Variants in HECW1 observed in about 807,000 individuals in gnomAD.
HECW1 encodes the protein E3 ubiquitin-protein ligase HECW1.
Under a neutral mutation model 182.3 loss-of-function variants are expected in HECW1, and 61 were observed. That is an observed-to-expected ratio of 0.33 (90% CI 0.27 to 0.41). HECW1 has a LOEUF of 0.41. HECW1 is among the 10% of genes least tolerant of loss of function. HECW1 has a pLI of 1.00. For missense variants in HECW1, 1,739 were observed against 2,108.9 expected (o/e 0.82, Z 3.44); for synonymous variants, 859 against 832.6 (o/e 1.03, Z -0.55).
chr7:43,125,101 T>G (rs1786065706), intron 2 of HECW1, among the ~76,000 whole-genome samples: 1 of 152,180 alleles, frequency 6.6e-6, no homozygotes, highest in Non-Finnish European at 1.5e-5. Flanking sequence ...CCTTGCACCC[T>G]CGCTTGGTGG....
intron 3 of HECW1, among the ~76,000 whole-genome samples, chr7:43,273,191 G>A (rs1430374231): frequency 2.6e-5 from 4 of 152,096 alleles, no homozygotes; most frequent in East Asian, 1.9e-4. Context: ...AGGGAGTGGG[G>A]CAAGGGTTGA....
intron 24 of HECW1, among the ~76,000 whole-genome samples, chr7:43,529,943 T>A (rs1221395375): frequency 1.3e-5 from 2 of 149,590 alleles, no homozygotes; most frequent in Non-Finnish European, 3.0e-5. Flanking sequence ...TTTTTACTTT[T>A]TTTATTTTTA....
intron 11 of HECW1, among the ~76,000 whole-genome samples, chr7:43,448,143 A>AG (rs2077120953): frequency 6.6e-6 from 1 of 152,100 alleles, no homozygotes; most frequent in African/African-American, 2.4e-5. Flanking sequence ...CTCAAAAAAA[A>AG]AGAGAGAGAG....
At chr7:43,147,490 T>C (rs924071545) in intron 2 of HECW1, 7 of 152,232 alleles carry the variant, frequency 4.6e-5, no homozygotes, top group Admixed American at 3.9e-4. Context: ...AAGAGGTACT[T>C]TTGAAAGCAG....
chr7:43,467,497 C>A (rs1318026742), intron 15 of HECW1, among the ~76,000 whole-genome samples: 6 of 151,912 alleles, frequency 3.9e-5, no homozygotes, highest in Admixed American at 1.3e-4. Context: ...TGCAAAGGAG[C>A]CTGGGTCTAC....
intron 24 of HECW1, among the ~76,000 whole-genome samples, chr7:43,526,154 T>C (rs191908468): frequency 1.5e-3 from 235 of 152,358 alleles, no homozygotes; most frequent in African/African-American, 5.3e-3. Context: ...TAGCTTCAGG[T>C]ATTTCTGGTA....
intron 3 of HECW1, among the ~76,000 whole-genome samples, chr7:43,281,360 T>C (rs920744806): frequency 2.6e-5 from 4 of 152,238 alleles, no homozygotes; most frequent in African/African-American, 9.6e-5. Flanking sequence ...ATAGCTGACA[T>C]TGGGTGGACA....
chr7:43,432,997 A>C lies in HECW1; in HGVS notation c.802-5006A>C, dbSNP rs1248430984. Among the ~76,000 whole-genome samples the C allele has an allele frequency of 2.0e-5, 3 of 152,216 alleles. No individual in the cohort carries two copies. In the East Asian group the frequency reaches 5.8e-4, roughly 29 times the overall value. The stretch of plus-strand genomic sequence containing the variant: ...AGCACCAGTGCTAATATCTCTCTGG[A>C]CGATTGAAGATGATAGGAGCACATC... On this transcript the variant is annotated intron_variant, in intron 8 of 29. Coordinates refer to ENST00000395891, the MANE Select transcript of HECW1 (RefSeq NM_015052.5). This position sits in a 1 kb window ranked among gnomAD's most constrained non-coding sequence, Gnocchi z 4.1.
intron 3 of HECW1, among the ~76,000 whole-genome samples, chr7:43,284,707 C>G (rs1005663874): frequency 4.6e-5 from 7 of 152,122 alleles, no homozygotes; most frequent in Non-Finnish European, 1.0e-4. Flanking sequence ...TCCCCAATTT[C>G]CCTTCCCTGA....
intron 12 of HECW1, among the ~76,000 whole-genome samples, chr7:43,454,524 A>C (rs1197922531): frequency 6.6e-6 from 1 of 152,226 alleles, no homozygotes; most frequent in African/African-American, 2.4e-5. Context: ...TTAGATAATC[A>C]TTAGATCTAT....
In HECW1 at chr7:43,288,944, C is replaced by T. The variant is rs369048244; in HGVS notation, c.28-22819C>T. 2.0e-4 allele frequency among the ~76,000 whole-genome samples: 31 copies of T among 152,176 alleles called. No homozygotes were observed. In the South Asian group the frequency reaches 5.0e-3, roughly 24 times the overall value. ...TTTTAGTTACGGGGATATCCAGGTGCGCTATACGCAGTCAAATACAAGCTC... is the reference window on the plus strand; with the variant it reads ...TTTTAGTTACGGGGATATCCAGGTGTGCTATACGCAGTCAAATACAAGCTC... On this transcript the variant is annotated intron_variant, in intron 3 of 29. Transcript: ENST00000395891.
chr7:43,172,472 A>G (rs1791795443), intron 2 of HECW1, among the ~76,000 whole-genome samples: 1 of 151,578 alleles, frequency 6.6e-6, no homozygotes, highest in Non-Finnish European at 1.5e-5. Flanking sequence ...CCATGTTTAT[A>G]TATCAAAATC....
intron 3 of HECW1, among the ~76,000 whole-genome samples, chr7:43,293,078 G>A (rs1295652354): frequency 1.3e-5 from 2 of 151,802 alleles, no homozygotes; most frequent in Non-Finnish European, 2.9e-5. Flanking sequence ...GAATTAGCCG[G>A]GCGTGGTGGA....
rs1029361747 is a variant in HECW1 at position 43,421,563 on chromosome 7, A to C, written c.801+13832A>C. Among the ~76,000 whole-genome samples, 4 of 152,320 alleles carry C rather than the reference A, an allele frequency of 2.6e-5. No individual in the cohort carries two copies. The East Asian group carries it at 7.7e-4, about 29-fold the overall frequency. ...AGCTAATATCTAGACTATAAATACT[A>C]CCTCCTAAAATCAAAAAGAAAAGGA... is the stretch of plus-strand genomic sequence containing the variant. On this transcript the variant is annotated intron_variant, in intron 8 of 29. Coordinates refer to ENST00000395891, the MANE Select transcript of HECW1 (RefSeq NM_015052.5).
chr7:43,158,558 C>T (rs914936116), intron 2 of HECW1, among the ~76,000 whole-genome samples: 5 of 152,098 alleles, frequency 3.3e-5, no homozygotes, highest in African/African-American at 2.4e-5. Context: ...AGCTGGGTAC[C>T]GCTTTTTAAA....
At position 43,445,243 on chromosome 7, in the gene HECW1, T is replaced by C. The variant is rs1332523940; in HGVS notation, c.2071T>C (p.Ser691Pro). The change falls in exon 11 of 30, where the codon TCC becomes CCC. Residue 691 changes from serine to proline, a missense_variant. By Grantham distance (74) the Ser-to-Pro change is moderately conservative. Transcript: ENST00000395891. ...CTACAGCTCCTCGTGCTACAGCACG[T>C]CCTGCTACAGCAGCTCGTGCTACAG... ...SCYSSSCYST[S>P]CYSSSCYSAS... 18 of 1,612,264 alleles carry C rather than the reference T, an allele frequency of 1.1e-5. No homozygotes were observed. Among genetic ancestry groups the C allele is most frequent in the Non-Finnish European group, 1.5e-5 (18 of 1,178,820 alleles).
chr7:43,294,179 C>T (rs1413648942), intron 3 of HECW1, among the ~76,000 whole-genome samples: 1 of 152,188 alleles, frequency 6.6e-6, no homozygotes, highest in Non-Finnish European at 1.5e-5. Context: ...GTTTTCCAAA[C>T]ACTTTGAGCT....
chr7:43,167,933 A>G (rs1425853572), intron 2 of HECW1, among the ~76,000 whole-genome samples: 2 of 152,178 alleles, frequency 1.3e-5, no homozygotes, highest in Admixed American at 1.3e-4. Flanking sequence ...TTTGAACCAG[A>G]CAACCATACT....
chr7:43,447,999 G>C (rs1013165158), intron 11 of HECW1, among the ~76,000 whole-genome samples: 4 of 152,028 alleles, frequency 2.6e-5, no homozygotes, highest in African/African-American at 9.7e-5. Context: ...GCTGGGCACG[G>C]TGGCGGGCAC....
Sources: gnomAD v4.1 joint callset for allele counts (sites outside exome capture counted in the v4.1 genomes callset) on GRCh38, gnomAD v4.1.1 for gene constraint, Gnocchi (gnomAD v3.1) non-coding constraint, MANE v1.5 for transcripts, NCBI Gene and HGNC (gene_info 2026-07-23, HGNC 2026-07-21) for gene names.